The following NF1 variants were observed in gnomAD, a reference collection of about 807,000 sequenced individuals.
The protein encoded by NF1 is neurofibromin 1.
A neutral mutation model predicts 325.7 loss-of-function variants in NF1; 122 were observed. The ratio of observed to expected loss-of-function variants is 0.37; its 90% confidence interval spans 0.32 to 0.44. The LOEUF (loss-of-function observed/expected upper bound fraction) is 0.44. Among genes scored for constraint, NF1 ranks in the 20% least tolerant of loss-of-function variants. The probability of loss-of-function intolerance (pLI) is 1.00; values close to 1 mark genes in which losing one functional copy is unlikely to be tolerated. For synonymous variants in NF1, 1,091 were observed against 1,186.0 expected, an observed-to-expected ratio of 0.92 and a Z score of 1.65; for missense variants, 2,140 against 3,415.4, an observed-to-expected ratio of 0.63 and a Z score of 9.31.
At chr17:31,131,253 C>T (rs953928985) in intron 1 of NF1, among the ~76,000 whole-genome samples, 1 of 152,204 alleles carries the variant, frequency 6.6e-6, no homozygotes, top group African/African-American at 2.4e-5. Context: ...CTTCTCTAAG[C>T]AGCTTTCCCT....
intron 1 of NF1, among the ~76,000 whole-genome samples, chr17:31,117,803 C>T (rs1375423962): frequency 1.4e-5 from 2 of 147,326 alleles, no homozygotes; most frequent in Admixed American, 1.4e-4. Context: ...AAGTATTTGT[C>T]ATGTGACTGG....
intron 36 of NF1, among the ~76,000 whole-genome samples, chr17:31,266,888 G>A (rs2067799765): frequency 6.6e-6 from 1 of 151,980 alleles, no homozygotes; most frequent in East Asian, 1.9e-4. Flanking sequence ...CTTGTGGCCT[G>A]AGAATGCTAA....
intron 8 of NF1, 149 bp from the exon 9 acceptor site, chr17:31,200,273 C>T (rs764268276): frequency 1.5e-5 from 10 of 681,486 alleles, no homozygotes; most frequent in Non-Finnish European, 2.2e-5. Context: ...ATGACCACTA[C>T]TTAAATTATG....
chr17:31,159,206 A>G, intron 3 of NF1, 113 bp downstream of exon 3: 1 of 756,710 alleles, frequency 1.3e-6, no homozygotes, highest in Non-Finnish European at 2.3e-6. Flanking sequence ...CTTTTGTCTG[A>G]GACATATAAA....
intron 50 of NF1, 40 bp from the exon 51 acceptor site, chr17:31,352,217 C>T (rs763212032): frequency 1.3e-6 from 2 of 1,588,128 alleles, no homozygotes; most frequent in Non-Finnish European, 1.7e-6. Flanking sequence ...GTATTTGTCA[C>T]CATATTAATT....
intron 36 of NF1, among the ~76,000 whole-genome samples, chr17:31,276,207 T>TAA (rs2068005664): frequency 1.4e-4 from 1 of 7,112 alleles, no homozygotes; most frequent in Admixed American, 1.6e-3. Context: ...AGACTCCATC[T>TAA]CAAAAAAAAA....
Position 31,235,992 on chromosome 17 carries a change from A to G in NF1, c.3945A>G (p.Gln1315=), listed in dbSNP as rs1365148212. ...TTGTGATCACATCCTCTGATTGGCA[A>G]CATGTTAGCTTTGAAGTGGATCCTA... The part of the protein sequence containing the change: ...LRIVITSSDW[Q]HVSFEVDPTR... Residue 1315 remains glutamine (Q), a synonymous_variant, in exon 29 of 58, where the codon CAA becomes CAG. Coordinates refer to ENST00000358273, the MANE Select transcript of NF1 (RefSeq NM_001042492.3). 3 of 1,613,790 alleles carry G rather than the reference A, an allele frequency of 1.9e-6. No individual in the cohort carries two copies. Among genetic ancestry groups the G allele is most frequent in the Admixed American group, 1.7e-5 (1 of 59,990 alleles).
intron 48 of NF1, among the ~76,000 whole-genome samples, chr17:31,346,818 CTTTTTTTTTTTTT>C (rs59155043): frequency 1.0e-4 from 11 of 108,218 alleles, no homozygotes; most frequent in African/African-American, 3.9e-4. Context: ...AAGAATTTGG[CTTTTTTTTTTTTT>C]TTTTTTTTTA....
intron 29 of NF1, among the ~76,000 whole-genome samples, chr17:31,237,355 A>G (rs893593302): frequency 6.6e-6 from 1 of 152,138 alleles, no homozygotes; most frequent in Admixed American, 6.5e-5. Flanking sequence ...GCTCACTGCA[A>G]CCTTCCTGTG....
chr17:31,334,333 GA>G lies in NF1; in HGVS notation c.5813-498del, dbSNP rs1297096911. Among the ~76,000 whole-genome samples the G allele has an allele frequency of 1.3e-4, 20 of 152,034 alleles. No individual in the cohort carries two copies. The East Asian group carries it at 3.1e-3, about 24-fold the overall frequency. The stretch of plus-strand genomic sequence containing the variant: ...AATGAATAATCTCAGTATAATCACT[GA>G]AAAAAATATTCAGAGCCTACTGCAT... On this transcript the variant is annotated intron_variant, in intron 39 of 57. Transcript: ENST00000358273.
chr17:31,304,320 G>T, intron 36 of NF1: 1 of 1,614,056 alleles, frequency 6.2e-7, no homozygotes, highest in East Asian at 2.2e-5. Context: ...GATCAGAGTT[G>T]GGAGGAATAG....
chr17:31,220,969 A>G (rs1446672952), intron 14 of NF1, among the ~76,000 whole-genome samples: 1 of 152,150 alleles, frequency 6.6e-6, no homozygotes, highest in Non-Finnish European at 1.5e-5. Flanking sequence ...TTTTCATTAA[A>G]TATCTCAAAG....
At chr17:31,261,561 GA>G in intron 34 of NF1, 149 bp from the exon 35 acceptor site, 2 of 752,062 alleles carry the variant, frequency 2.7e-6, no homozygotes, top group Non-Finnish European at 4.6e-6. Flanking sequence ...ATTATTAATG[GA>G]TTGAAGTAGA....
intron 1 of NF1, among the ~76,000 whole-genome samples, chr17:31,117,132 G>A (rs1042974449): frequency 9.9e-5 from 15 of 151,482 alleles, no homozygotes; most frequent in African/African-American, 2.4e-4. Context: ...CAGGCGTGCC[G>A]CCACGCCTGG....
In NF1 at chr17:31,201,255, T is replaced by C. The variant is rs555548004; in HGVS notation, c.1185+96T>C. 14 of 1,530,356 alleles carry C rather than the reference T, an allele frequency of 9.1e-6. 1 individual carries two copies. In the Admixed American group the frequency reaches 1.2e-4, roughly 13 times the overall value. The allele number at this position is 1,530,356 out of a possible 1,614,324, so 94.8% of individuals were successfully genotyped here. A position where few individuals can be genotyped will look rare whatever the true frequency, so the allele number is the denominator to read the frequency against. ...AGATTAATAGGTTCACTTTTATCGG[T>C]ATTTCTCACTATTATGTATTGATGT... On this transcript the variant is annotated intron_variant, in intron 10 of 57. Coordinates refer to ENST00000358273, the MANE Select transcript of NF1 (RefSeq NM_001042492.3).
chr17:31,320,449 A>G (rs770519501), intron 36 of NF1: 1 of 1,609,104 alleles, frequency 6.2e-7, no homozygotes, highest in South Asian at 1.1e-5. Flanking sequence ...ACTGCTAGTC[A>G]GGCTTTTGAA....
chr17:31,340,257 CTG>C, intron 46 of NF1: 1 of 527,320 alleles, frequency 1.9e-6, no homozygotes, highest in Non-Finnish European at 3.4e-6. Context: ...ACCTTGGTGA[CTG>C]GATTTAGAAA....
chr17:31,201,558 G>A (rs575482165), intron 11 of NF1, 73 bp downstream of exon 11: 3 of 1,082,062 alleles, frequency 2.8e-6, no homozygotes, highest in African/African-American at 3.1e-5. Context: ...TTCTTTTTAA[G>A]AAATGCACTC....
Position 31,345,778 on chromosome 17 carries a change from T to C in NF1, c.7189+2643T>C, listed in dbSNP as rs1331071895. On this transcript the variant is annotated intron_variant, in intron 48 of 57. Transcript: ENST00000358273. ...AATAGGCGTGGCCAGCACTGGCTCC[T>C]TGATGGTTTTCCTAGGACATTAGGA... The C allele has an allele frequency of 5.0e-6, 8 of 1,613,834 alleles. No homozygotes were observed. The East Asian group carries it at 6.7e-5, about 13-fold the overall frequency.
Sources: gnomAD v4.1 joint callset for allele counts (sites outside exome capture counted in the v4.1 genomes callset) on GRCh38, gnomAD v4.1.1 for gene constraint, MANE v1.5 for transcripts, NCBI Gene and HGNC (gene_info 2026-07-23, HGNC 2026-07-21) for gene names.